The following LRRTM4 variants were observed in gnomAD, a reference collection of about 807,000 sequenced individuals.
LRRTM4 encodes the protein leucine rich repeat transmembrane neuronal 4.
LRRTM4 carries 25 observed loss-of-function variants against 47.6 expected under a neutral mutation model. The observed-to-expected ratio is 0.53, with a 90% CI of 0.38 to 0.73. The LOEUF (loss-of-function observed/expected upper bound fraction) is 0.73. LRRTM4 is among the 30% of genes least tolerant of loss of function. LRRTM4 has a pLI of 0.00. For missense variants in LRRTM4, 638 were observed against 713.4 expected (o/e 0.89, Z 1.20); for synonymous variants, 311 against 269.5 (o/e 1.15, Z -1.51).
chr2:76,812,446 TAAGAGAGTGTTGGGA>T (rs1670761927), intron 3 of LRRTM4, among the ~76,000 whole-genome samples: 1 of 152,156 alleles, frequency 6.6e-6, no homozygotes, highest in Non-Finnish European at 1.5e-5. Flanking sequence ...TCTCCATTCT[TAAGAGAGTGTTGGGA>T]AGGCCTGAGA....
At chr2:77,409,766 A>G (rs1674347670) in intron 3 of LRRTM4, among the ~76,000 whole-genome samples, 1 of 152,182 alleles carries the variant, frequency 6.6e-6, no homozygotes, top group African/African-American at 2.4e-5. Context: ...TTAAGTTGAA[A>G]CTGGGGTTGA....
intron 3 of LRRTM4, among the ~76,000 whole-genome samples, chr2:77,054,828 CATCAGTGACTGGAAAAATTGCAAA>C (rs1679549416): frequency 6.6e-6 from 1 of 152,184 alleles, no homozygotes; most frequent in Non-Finnish European, 1.5e-5. Context: ...GTAAAGCAGG[CATCAGTGACTGGAAAAATTGCAAA>C]ATCAGTGGCT....
At chr2:76,761,336 C>T (rs556819704) in intron 3 of LRRTM4, among the ~76,000 whole-genome samples, 66 of 152,312 alleles carry the variant, frequency 4.3e-4, no homozygotes, top group African/African-American at 1.6e-3. Context: ...ATTTGAGCCT[C>T]TTCACTTGGC....
At chr2:77,027,334 A>G (rs1247908579) in intron 3 of LRRTM4, among the ~76,000 whole-genome samples, 1 of 152,186 alleles carries the variant, frequency 6.6e-6, no homozygotes, top group Admixed American at 6.5e-5. Flanking sequence ...TTAAATAAAA[A>G]AAGAACTCAT....
At chr2:77,011,735 T>C (rs13013784) in intron 3 of LRRTM4, among the ~76,000 whole-genome samples, 58,313 of 151,910 alleles carry the variant, frequency 0.38, 11,608 homozygotes, top group East Asian at 0.52. Flanking sequence ...CTCTTTATAG[T>C]TAACATTATC....
intron 3 of LRRTM4, among the ~76,000 whole-genome samples, chr2:77,474,422 AT>A (rs914608132): frequency 7.9e-5 from 12 of 152,036 alleles, no homozygotes; most frequent in African/African-American, 2.9e-4. Context: ...CAATTCTCAG[AT>A]TATTTGTTGT....
intron 3 of LRRTM4, among the ~76,000 whole-genome samples, chr2:77,300,001 G>A (rs569507580): frequency 6.6e-6 from 1 of 151,788 alleles, no homozygotes; most frequent in Non-Finnish European, 1.5e-5. Context: ...ACAGGCATGC[G>A]CCACCACGCC....
chr2:77,009,051 A>T (rs547837441), intron 3 of LRRTM4: 7 of 152,022 alleles, frequency 4.6e-5, no homozygotes, highest in African/African-American at 1.7e-4. Context: ...TTTTACAATC[A>T]TTTGAAATTC....
intron 3 of LRRTM4, among the ~76,000 whole-genome samples, chr2:76,849,205 A>G (rs1220230964): frequency 6.6e-6 from 1 of 152,098 alleles, no homozygotes; most frequent in Non-Finnish European, 1.5e-5. Context: ...AGAGAAGAGA[A>G]AAGAAAAGTA....
chr2:76,808,908 CAG>C (rs1267057093), intron 3 of LRRTM4, among the ~76,000 whole-genome samples: 2 of 152,094 alleles, frequency 1.3e-5, no homozygotes, highest in African/African-American at 4.8e-5. Context: ...TCCATTTTAG[CAG>C]AGACAGTAAA....
rs1271209383 is a variant in LRRTM4 at position 77,212,472 on chromosome 2, T to TAG, written c.1551+305845_1551+305846insCT. 6.0e-3 allele frequency among the ~76,000 whole-genome samples: 868 copies of TAG among 144,390 alleles called. 9 individuals carry two copies. Among genetic ancestry groups the TAG allele is most frequent in the African/African-American group, 0.016 (631 of 38,662 alleles). 94.7% of individuals were successfully genotyped at this position (144,390 alleles called of 152,430 possible). Reference sequence around the variant, plus strand: ...AGTGGAATAATTATATATATATATATATAGAGAGAGAGAGAGAGAGAGCGA... The same window carrying TAG: ...AGTGGAATAATTATATATATATATATAGATAGAGAGAGAGAGAGAGAGAGCGA... On this transcript the variant is annotated intron_variant, in intron 3 of 3. Coordinates refer to ENST00000409884, the MANE Select transcript of LRRTM4 (RefSeq NM_001134745.3).
At chr2:77,199,222 G>A (rs1558630246) in intron 3 of LRRTM4, among the ~76,000 whole-genome samples, 1 of 151,976 alleles carries the variant, frequency 6.6e-6, no homozygotes, top group Non-Finnish European at 1.5e-5. Context: ...AAAAGAAAAA[G>A]GAACCAACTC....
At chr2:76,949,850 AGAG>A (rs1486157965) in intron 3 of LRRTM4, among the ~76,000 whole-genome samples, 1 of 152,016 alleles carries the variant, frequency 6.6e-6, no homozygotes, top group African/African-American at 2.4e-5. Flanking sequence ...TTATTTCAAC[AGAG>A]AAGAGGTAAG....
chr2:77,235,704 T>G (rs1357618270), intron 3 of LRRTM4, among the ~76,000 whole-genome samples: 1 of 152,122 alleles, frequency 6.6e-6, no homozygotes, highest in Non-Finnish European at 1.5e-5. Flanking sequence ...TGGTGAAAAG[T>G]AAGGGTCCAG....
At chr2:77,068,242 C>T (rs1233859478) in intron 3 of LRRTM4, among the ~76,000 whole-genome samples, 2 of 152,132 alleles carry the variant, frequency 1.3e-5, no homozygotes, top group African/African-American at 4.8e-5. Context: ...AGAACATCTG[C>T]CAGCTAGAAA....
intron 3 of LRRTM4, among the ~76,000 whole-genome samples, chr2:77,062,310 G>A (rs1361352250): frequency 6.6e-6 from 1 of 152,136 alleles, no homozygotes; most frequent in African/African-American, 2.4e-5. Flanking sequence ...TAATCAAAAA[G>A]CATATGTCAG....
At chr2:77,383,188 T>C (rs2103796634) in intron 3 of LRRTM4, among the ~76,000 whole-genome samples, 1 of 152,222 alleles carries the variant, frequency 6.6e-6, no homozygotes, top group South Asian at 2.1e-4. Flanking sequence ...ATTTGTAAAG[T>C]ACTAATAATT....
chr2:77,123,168 T>G (rs186454888), intron 3 of LRRTM4, among the ~76,000 whole-genome samples: 15 of 144,650 alleles, frequency 1.0e-4, no homozygotes, highest in Non-Finnish European at 2.0e-4. Context: ...CATAAGCAAA[T>G]GAACAAGCCA....
intron 3 of LRRTM4, among the ~76,000 whole-genome samples, chr2:77,439,815 C>T (rs1210574797): frequency 2.0e-5 from 3 of 151,966 alleles, no homozygotes; most frequent in East Asian, 3.9e-4. Flanking sequence ...CCATTTAATC[C>T]TCAGAACAAA....
Sources: allele counts gnomAD v4.1 joint callset (sites outside exome capture counted in the v4.1 genomes callset), GRCh38; gene constraint gnomAD v4.1.1; transcripts MANE v1.5; gene names NCBI Gene and HGNC (gene_info 2026-07-23, HGNC 2026-07-21).